Variants in TAOK1 observed in about 807,000 individuals in gnomAD.
The protein encoded by TAOK1 is TAO kinase 1.
A neutral mutation model predicts 138.3 loss-of-function variants in TAOK1; 21 were observed. The observed-to-expected ratio is 0.15, with a 90% CI of 0.11 to 0.22. The LOEUF (loss-of-function observed/expected upper bound fraction) is 0.22. TAOK1 is among the 10% of genes least tolerant of loss of function. The pLI, the probability that TAOK1 is intolerant of heterozygous loss-of-function variation, is 1.00. For synonymous variants in TAOK1, 361 were observed against 398.4 expected, an observed-to-expected ratio of 0.91 and a Z score of 1.12; for missense variants, 651 against 1,227.7, an observed-to-expected ratio of 0.53 and a Z score of 7.02.
chr17:29,505,323 G>T (rs1208287417), intron 13 of TAOK1, among the ~76,000 whole-genome samples: 2 of 152,006 alleles, frequency 1.3e-5, no homozygotes, highest in African/African-American at 4.8e-5. Flanking sequence ...CTGAAACAAG[G>T]TACAGTTATC....
At chr17:29,533,781 G>A (rs1309375240) in intron 18 of TAOK1, among the ~76,000 whole-genome samples, 1 of 142,240 alleles carries the variant, frequency 7.0e-6, no homozygotes, top group Non-Finnish European at 1.5e-5. Flanking sequence ...AGTGAGCCGA[G>A]ATGGCAGCAG....
chr17:29,412,962 CAT>C (rs1402156999), intron 1 of TAOK1, among the ~76,000 whole-genome samples: 1 of 152,284 alleles, frequency 6.6e-6, no homozygotes, highest in East Asian at 1.9e-4. Flanking sequence ...TGAATATGCA[CAT>C]GTGCATTTTT....
rs1567750822 is a variant in TAOK1, at chr17:29,542,806, A to G, written c.2790A>G (p.Pro930=). 3 of 1,614,142 alleles carry G rather than the reference A, an allele frequency of 1.9e-6. No homozygotes were observed. Among genetic ancestry groups the G allele is most frequent in the South Asian group, 2.2e-5 (2 of 91,080 alleles). The change falls in exon 20 of 20, where the codon CCA becomes CCG. Residue 930 remains proline, a synonymous_variant. Coordinates refer to ENST00000261716, the MANE Select transcript of TAOK1 (RefSeq NM_020791.4). ...GGGGTCATCCCATGGGTGGCCCACC[A>G]CAAGCTTGGGGCCATCCAATGCAAG... is the stretch of plus-strand genomic sequence containing the variant. ...PHWGHPMGGP[P]QAWGHPMQGG...
chr17:29,438,118 A>G (rs1906097152), intron 1 of TAOK1, among the ~76,000 whole-genome samples: 1 of 152,206 alleles, frequency 6.6e-6, no homozygotes, highest in Admixed American at 6.5e-5. Context: ...GGTATTGAGA[A>G]GACTGTTACA....
At chr17:29,479,868 A>G (rs1321210636) in intron 6 of TAOK1, among the ~76,000 whole-genome samples, 1 of 152,076 alleles carries the variant, frequency 6.6e-6, no homozygotes, top group African/African-American at 2.4e-5. Context: ...TTTATTTTAT[A>G]TTTAGGAAAA....
chr17:29,453,919 C>T (rs1017120882), intron 2 of TAOK1, among the ~76,000 whole-genome samples: 1 of 151,558 alleles, frequency 6.6e-6, no homozygotes, highest in Non-Finnish European at 1.5e-5. Flanking sequence ...GGTGTTCCTC[C>T]CACCTCAGCC....
intron 15 of TAOK1, chr17:29,514,008 A>C (rs2031771016): frequency 6.6e-6 from 1 of 152,170 alleles, no homozygotes; most frequent in Admixed American, 6.6e-5. Context: ...CACAACTGTC[A>C]TCCCAGCTAC....
chr17:29,391,237 G>A (rs1407014741), intron 1 of TAOK1, among the ~76,000 whole-genome samples: 1 of 152,116 alleles, frequency 6.6e-6, no homozygotes, highest in Non-Finnish European at 1.5e-5. Context: ...TTTTCCTGAG[G>A]GTCACCGGAA....
chr17:29,395,728 G>A (rs1305398330), intron 1 of TAOK1, among the ~76,000 whole-genome samples: 1 of 148,782 alleles, frequency 6.7e-6, no homozygotes, highest in Non-Finnish European at 1.5e-5. Flanking sequence ...CGTGATCACA[G>A]CGTATTGCAG....
Position 29,475,755 on chromosome 17 carries a change from G to C in TAOK1, c.290G>C (p.Arg97Pro). Residue 97 changes from arginine (R) to proline (P), a missense_variant, in exon 4 of 20, where the codon CGT (arginine) becomes CCT (proline). By Grantham distance (103) the Arg-to-Pro change is moderately radical. Around this residue, in one of 8 missense-constraint regions of TAOK1, gnomAD observed 116 missense variants for 213.9 expected, o/e 0.54. Coordinates refer to ENST00000261716, the MANE Select transcript of TAOK1 (RefSeq NM_020791.4). ...NSIEYKGCYL[R>P]EHTAWLVMEY... ...ATAGAATACAAAGGCTGTTATTTAC[G>C]TGAACACACAGCATGGGTTGGTATT... 1 of 1,611,964 alleles carries C rather than the reference G, an allele frequency of 6.2e-7. No individual in the cohort carries two copies. The highest frequency in any genetic ancestry group is 8.5e-7 in the Non-Finnish European group (1 of 1,178,962).
chr17:29,520,763 C>A (rs565755227), intron 16 of TAOK1, among the ~76,000 whole-genome samples: 1 of 150,906 alleles, frequency 6.6e-6, no homozygotes, highest in Non-Finnish European at 1.5e-5. Context: ...TAGTGGCTCA[C>A]GCCTGTAATC....
chr17:29,408,856 G>A (rs1234153845), intron 1 of TAOK1, among the ~76,000 whole-genome samples: 1 of 151,932 alleles, frequency 6.6e-6, no homozygotes, highest in African/African-American at 2.4e-5. Flanking sequence ...GGGATTACAG[G>A]TGCATGCCAC....
At chr17:29,427,664 C>T (rs966898909) in intron 1 of TAOK1, among the ~76,000 whole-genome samples, 18 of 151,876 alleles carry the variant, frequency 1.2e-4, no homozygotes, top group African/African-American at 3.4e-4. Context: ...TAGTGGCTCA[C>T]GCCTGTAATC....
chr17:29,459,362 A>G (rs1296802493), intron 2 of TAOK1, among the ~76,000 whole-genome samples: 14 of 152,052 alleles, frequency 9.2e-5, no homozygotes, highest in Admixed American at 8.5e-4. Flanking sequence ...GCTCACTGCA[A>G]ACACCGCCTG....
At chr17:29,467,878 C>A (rs2030711518) in intron 3 of TAOK1, among the ~76,000 whole-genome samples, 1 of 151,042 alleles carries the variant, frequency 6.6e-6, no homozygotes, top group South Asian at 2.1e-4. Flanking sequence ...AGCTGGAATG[C>A]AGTGGCACAA....
At chr17:29,517,882 GTC>G (rs1367498155) in intron 16 of TAOK1, among the ~76,000 whole-genome samples, 1 of 151,626 alleles carries the variant, frequency 6.6e-6, no homozygotes, top group Non-Finnish European at 1.5e-5. Context: ...TTTCAAGACA[GTC>G]TCTCCATGTC....
chr17:29,405,807 G>A (rs1904975466), intron 1 of TAOK1, among the ~76,000 whole-genome samples: 1 of 152,118 alleles, frequency 6.6e-6, no homozygotes, highest in Non-Finnish European at 1.5e-5. Context: ...AGTTTAGCCA[G>A]TAAGTTATGT....
intron 16 of TAOK1, among the ~76,000 whole-genome samples, chr17:29,520,417 C>A (rs2031893197): frequency 6.6e-6 from 1 of 151,694 alleles, no homozygotes; most frequent in African/African-American, 2.4e-5. Flanking sequence ...TCGCAAGACC[C>A]TGTCTCTACA....
chr17:29,444,083 C>G (rs1233379681), intron 1 of TAOK1, among the ~76,000 whole-genome samples: 2 of 151,622 alleles, frequency 1.3e-5, no homozygotes, highest in Non-Finnish European at 2.9e-5. Context: ...CCCCTGCACT[C>G]CAGCCTGGCT....
Sources: allele counts gnomAD v4.1 joint callset (sites outside exome capture counted in the v4.1 genomes callset), GRCh38; gene constraint gnomAD v4.1.1; regional missense constraint gnomAD v4.1.1; transcripts MANE v1.5; gene names NCBI Gene and HGNC (gene_info 2026-07-23, HGNC 2026-07-21).